The following GLT8D2 variants were observed in gnomAD, a reference collection of about 807,000 sequenced individuals.
GLT8D2 encodes glycosyltransferase 8 domain-containing protein 2.
GLT8D2 carries 45 observed loss-of-function variants against 44.5 expected under a neutral mutation model. The observed-to-expected ratio is 1.01, with a 90% CI of 0.80 to 1.30. The LOEUF (loss-of-function observed/expected upper bound fraction) is 1.30. GLT8D2 is among the 50% of genes most tolerant of loss of function. The pLI is 0.00. For synonymous variants in GLT8D2, 156 were observed against 157.2 expected (o/e 0.99, Z 0.06); for missense variants, 400 against 430.4 (o/e 0.93, Z 0.62).
intron 1 of GLT8D2, among the ~76,000 whole-genome samples, chr12:104,047,497 G>C (rs1433318634): frequency 6.6e-6 from 1 of 151,864 alleles, no homozygotes; most frequent in African/African-American, 2.4e-5. Flanking sequence ...GTAGGGACGG[G>C]GTTTCTCCAT....
At chr12:104,045,937 A>AAGAAGG (rs68019401) in intron 1 of GLT8D2, among the ~76,000 whole-genome samples, 2 of 113,638 alleles carry the variant, frequency 1.8e-5, no homozygotes, top group South Asian at 6.4e-4. Context: ...GAAAGAAAGA[A>AAGAAGG]AAAGAAAGAA....
At position 103,990,488 on chromosome 12, in the gene GLT8D2, T is replaced by A. The variant is rs569718412; in HGVS notation, c.881-911A>T. Among the ~76,000 whole-genome samples the A allele has an allele frequency of 1.7e-4, 26 of 152,326 alleles. 1 individual carries two copies. Among genetic ancestry groups the A allele is most frequent in the Admixed American group, 1.6e-3 (25 of 15,290 alleles). ...CTCTTTAGAATACCTATTCTAGAAC[T>A]ACATTAAGGTGGCGTGAATGTACAA... is the stretch of plus-strand genomic sequence containing the variant. On this transcript the variant is annotated intron_variant, in intron 10 of 10. Transcript: ENST00000360814.
chr12:103,994,159 C>A, intron 9 of GLT8D2, 176 bp downstream of exon 9: 1 of 490,870 alleles, frequency 2.0e-6, no homozygotes, highest in Non-Finnish European at 3.5e-6. Flanking sequence ...TGATTTATAT[C>A]TTTTGAGGAA....
rs183675873 is a variant in GLT8D2 at position 104,048,271 on chromosome 12, T to C, written c.-164+1624A>G. The stretch of plus-strand genomic sequence containing the variant: ...TGCTCCTAGAAATGTTAACCTACAT[T>C]ATGTGATAAGGTGGTTCAGCGATCA... On this transcript the variant is annotated intron_variant, in intron 1 of 10. Coordinates refer to ENST00000360814, the MANE Select transcript of GLT8D2 (RefSeq NM_001384711.1). Among the ~76,000 whole-genome samples, 329 of 152,306 alleles carry C rather than the reference T, an allele frequency of 2.2e-3. 1 individual carries two copies. Among genetic ancestry groups the C allele is most frequent in the African/African-American group, 7.6e-3 (316 of 41,564 alleles).
At chr12:104,023,408 A>T (rs1192725740) in intron 1 of GLT8D2, among the ~76,000 whole-genome samples, 1 of 152,218 alleles carries the variant, frequency 6.6e-6, no homozygotes, top group Non-Finnish European at 1.5e-5. Flanking sequence ...CCAGGGGAAC[A>T]CAAATGGTTC....
intron 4 of GLT8D2, among the ~76,000 whole-genome samples, chr12:104,006,872 A>C (rs150746152): frequency 3.3e-5 from 5 of 152,322 alleles, no homozygotes; most frequent in African/African-American, 1.2e-4. Flanking sequence ...ACACTTAAAA[A>C]ACATACAAAG....
chr12:104,009,963 G>T (rs534991979), intron 4 of GLT8D2, among the ~76,000 whole-genome samples: 2 of 151,926 alleles, frequency 1.3e-5, no homozygotes, highest in Non-Finnish European at 2.9e-5. Context: ...TCTTAGGTAT[G>T]TCTTTATCAG....
intron 1 of GLT8D2, among the ~76,000 whole-genome samples, chr12:104,021,993 G>C (rs1168883469): frequency 1.9e-5 from 1 of 53,948 alleles, no homozygotes. Context: ...GGAAGAAGAA[G>C]AAGAAGAAGA....
chr12:104,057,449 A>G (rs1882264509), intron 1 of GLT8D2, among the ~76,000 whole-genome samples: 1 of 152,044 alleles, frequency 6.6e-6, no homozygotes, highest in Non-Finnish European at 1.5e-5. Flanking sequence ...TTAGCCTGGG[A>G]GGTCAAGGTT....
At position 104,015,056 on chromosome 12, in the gene GLT8D2, C is replaced by T. The variant is rs765890281; in HGVS notation, c.69G>A (p.Leu23=). 1 of 1,613,866 alleles carries T rather than the reference C, an allele frequency of 6.2e-7. No individual in the cohort carries two copies. Among genetic ancestry groups the T allele is most frequent in the Admixed American group, 1.7e-5 (1 of 60,006 alleles). ...CAGTCCCCTTATGAACTTTCTTATA[C>T]AGAATCACACAGAGGGTCACGATCA... is the stretch of plus-strand genomic sequence containing the variant. The part of the protein sequence containing the change: ...FLLIVTLCVI[L]YKKVHKGTVP... Residue 23 remains leucine, a synonymous_variant, in exon 4 of 11, where the codon CTG becomes CTA. Transcript: ENST00000360814.
chr12:104,048,291 C>T (rs1000353843), intron 1 of GLT8D2, among the ~76,000 whole-genome samples: 1 of 152,130 alleles, frequency 6.6e-6, no homozygotes, highest in African/African-American at 2.4e-5. Flanking sequence ...GGTGGTTCAG[C>T]GATCAACTGT....
rs901391569 is a variant in GLT8D2 at position 104,057,424 on chromosome 12, G to A, written c.-423+6525C>T. On this transcript the variant is annotated intron_variant, in intron 1 of 10. Transcript: ENST00000548660. ...TGGTCCCAACTACTCAGAAGGCTGA[G>A]GTGGGAGGATCGCTTTAGCCTGGGA... Among the ~76,000 whole-genome samples, 5 of 152,162 alleles carry A rather than the reference G, an allele frequency of 3.3e-5. No homozygotes were observed. The East Asian group carries it at 9.6e-4, about 29-fold the overall frequency.
At chr12:104,032,512 A>G (rs576203405) in intron 1 of GLT8D2, among the ~76,000 whole-genome samples, 1 of 150,530 alleles carries the variant, frequency 6.6e-6, no homozygotes, top group East Asian at 1.9e-4. Flanking sequence ...ACCAGAATAG[A>G]CATTTCTCTA....
chr12:104,003,144 G>A lies in GLT8D2; in HGVS notation c.275C>T (p.Thr92Ile). The part of the protein sequence containing the change: ...FYVVGLRNTL[T>I]RIRKWIEHSK... ...GTAAGACATAACTTACCGTATTCGA[G>A]TCAGAGTATTCCGGAGTCCCACTAC... is the stretch of plus-strand genomic sequence containing the variant. Residue 92 changes from threonine to isoleucine, a missense_variant, in exon 5 of 11, where the codon ACT becomes ATT. Thr to Ile is a moderately conservative substitution (Grantham distance 89). Transcript: ENST00000360814. 1.9e-6 allele frequency: 3 copies of A among 1,613,866 alleles called. No individual in the cohort carries two copies. Among genetic ancestry groups the A allele is most frequent in the Non-Finnish European group, 2.5e-6 (3 of 1,179,794 alleles).
intron 1 of GLT8D2, among the ~76,000 whole-genome samples, chr12:104,038,048 T>C (rs762347358): frequency 1.1e-4 from 16 of 152,166 alleles, no homozygotes; most frequent in Non-Finnish European, 2.4e-4. Context: ...AAAAACCACA[T>C]GATTATTTCA....
At chr12:104,051,699 C>T (rs970175508), upstream of GLT8D2, among the ~76,000 whole-genome samples, 17 of 152,040 alleles carry the variant, frequency 1.1e-4, no homozygotes, top group Non-Finnish European at 2.1e-4. Flanking sequence ...AATTTTATAT[C>T]CTTTAACAAA....
intron 1 of GLT8D2, among the ~76,000 whole-genome samples, chr12:104,034,371 A>G (rs897795285): frequency 6.6e-6 from 1 of 152,208 alleles, no homozygotes; most frequent in African/African-American, 2.4e-5. Flanking sequence ...GGGTCGGGGG[A>G]TTTCCCTTTC....
At chr12:104,017,942 T>TTA (rs1358627032) in intron 3 of GLT8D2, among the ~76,000 whole-genome samples, 5 of 152,146 alleles carry the variant, frequency 3.3e-5, no homozygotes, top group Non-Finnish European at 5.9e-5. Flanking sequence ...TTACAAATGG[T>TTA]TATGCATCAT....
intron 8 of GLT8D2, among the ~76,000 whole-genome samples, chr12:103,995,335 G>C (rs1267889382): frequency 1.3e-5 from 2 of 152,116 alleles, no homozygotes; most frequent in Non-Finnish European, 1.5e-5. Flanking sequence ...TCCAACTCCT[G>C]TTATTCTCCT....
Sources: gnomAD v4.1 joint callset for allele counts (sites outside exome capture counted in the v4.1 genomes callset) on GRCh38, gnomAD v4.1.1 for gene constraint, MANE v1.5 for transcripts, NCBI Gene and HGNC (gene_info 2026-07-23, HGNC 2026-07-21) for gene names.